Variants in ELFN2 observed in about 807,000 individuals in gnomAD.
ELFN2 encodes protein phosphatase 1 regulatory subunit 29.
A neutral mutation model predicts 45.5 loss-of-function variants in ELFN2; 17 were observed. That is an observed-to-expected ratio of 0.37 (90% CI 0.26 to 0.56). The LOEUF (loss-of-function observed/expected upper bound fraction) is 0.56, where lower values mean the gene tolerates loss of function less well. ELFN2 is among the 20% of genes least tolerant of loss of function. The pLI, the probability that ELFN2 is intolerant of heterozygous loss-of-function variation, is 0.77. For missense variants in ELFN2, 922 were observed against 1,183.2 expected (o/e 0.78, Z 3.24); for synonymous variants, 550 against 551.5 (o/e 1.00, Z 0.04).
intron 1 of ELFN2, among the ~76,000 whole-genome samples, chr22:37,356,076 C>T (rs961002592): frequency 6.6e-6 from 1 of 152,056 alleles, no homozygotes; most frequent in African/African-American, 2.4e-5. Context: ...AGGGAGCAAC[C>T]GGGGAGAGTG....
rs752718592 is a variant in ELFN2 at position 37,373,319 on chromosome 22, C to G, written c.2216G>C (p.Arg739Pro). The G allele has an allele frequency of 1.9e-6, 3 of 1,613,662 alleles. No homozygotes were observed. Among genetic ancestry groups the G allele is most frequent in the Admixed American group, 3.3e-5 (2 of 60,012 alleles). Residue 739 changes from arginine to proline, a missense_variant, in exon 3 of 3, where the codon CGT becomes CCT. Arg to Pro is a moderately radical substitution (Grantham distance 103, BLOSUM62 -2). Transcript: ENST00000402918. ...GGAGAGCTGCGAGTAGGTGGAGTCA[C>G]GCTTGGAGCGGGTCAGCGGCTTGAG... Reference protein sequence around the residue: ...SFLKPLTRSKRDSTYSQLSPR... With the variant: ...SFLKPLTRSKPDSTYSQLSPR...
chr22:37,359,380 C>T (rs1931027047), intron 1 of ELFN2, among the ~76,000 whole-genome samples: 1 of 152,044 alleles, frequency 6.6e-6, no homozygotes, highest in African/African-American at 2.4e-5. Context: ...CAGGCCCCTG[C>T]CACTCCCCTC....
Position 37,402,989 on chromosome 22 carries a change from G to A in ELFN2, c.-463+14780C>T, listed in dbSNP as rs148698045. ...TTGAGCCCACTTCCAAGAATGGCCCGGGCCAGAGACCATGCCTCACTTGCC... is the reference window on the plus strand; with the variant it reads ...TTGAGCCCACTTCCAAGAATGGCCCAGGCCAGAGACCATGCCTCACTTGCC... On this transcript the variant is annotated intron_variant, in intron 2 of 2. Transcript: ENST00000402918. 1.3e-3 allele frequency among the ~76,000 whole-genome samples: 195 copies of A among 152,156 alleles called. 2 individuals are homozygous for A. The highest frequency in any genetic ancestry group is 4.3e-3 in the African/African-American group (180 of 41,504).
chr22:37,374,167 G>C lies in ELFN2; in HGVS notation c.1368C>G (p.Ala456=). Residue 456 remains alanine (A), a synonymous_variant, in exon 3 of 3, where the codon GCC becomes GCG. Transcript: ENST00000402918. ...GCACGGGAGGCTCGCCCAGCTTCTG[G>C]GCGGCGTGCACAATGGAGCCGGCAT... ...DVDAGSIVHA[A]QKLGEPPVLP... is the part of the protein sequence containing the mutation. 1 of 1,613,198 alleles carries C rather than the reference G, an allele frequency of 6.2e-7. No homozygotes were observed. Among genetic ancestry groups the C allele is most frequent in the Non-Finnish European group, 8.5e-7 (1 of 1,180,028 alleles).
In ELFN2 at chr22:37,371,329, A is replaced by C. The variant is rs1931360491; in HGVS notation, c.*1743T>G. 1 of 152,260 alleles carries C rather than the reference A, an allele frequency of 6.6e-6. No individual in the cohort carries two copies. The highest frequency in any genetic ancestry group is 2.4e-5 in the African/African-American group (1 of 41,422). The allele number at this position is 152,260 out of a possible 1,614,324, so 9.4% of individuals were successfully genotyped here. ...ACACTCCCCAAATCTCAGGAAACCC[A>C]TGTGGGCCACAGGCCCTAGACTGGG... is the stretch of plus-strand genomic sequence containing the variant. On this transcript the variant is annotated 3_prime_UTR_variant, in exon 3 of 3. Coordinates refer to ENST00000402918, the MANE Select transcript of ELFN2 (RefSeq NM_052906.5). This position sits in a 1 kb window ranked among gnomAD's most constrained non-coding sequence, Gnocchi z 6.4.
At chr22:37,351,009 C>G (rs1241742273) in intron 1 of ELFN2, among the ~76,000 whole-genome samples, 4 of 150,394 alleles carry the variant, frequency 2.7e-5, no homozygotes, top group African/African-American at 7.3e-5. Flanking sequence ...ATGGCTTCTC[C>G]TCTCCAGGCC....
chr22:37,374,437 G>A lies in ELFN2; in HGVS notation c.1098C>T (p.Asn366=). Residue 366 remains asparagine (N), a synonymous_variant, in exon 3 of 3, where the codon AAC becomes AAT. Coordinates refer to ENST00000402918, the MANE Select transcript of ELFN2 (RefSeq NM_052906.5). ...EYTFCVTSLR[N]SRRFNHTCLT... is the part of the protein sequence containing the mutation. The stretch of plus-strand genomic sequence containing the variant: ...GGCAGGTGTGGTTGAAGCGGCGGCT[G>A]TTGCGCAGCGAGGTCACGCAGAAGG... 1 of 1,614,040 alleles carries A rather than the reference G, an allele frequency of 6.2e-7. No homozygotes were observed. Among genetic ancestry groups the A allele is most frequent in the Non-Finnish European group, 8.5e-7 (1 of 1,179,932 alleles).
chr22:37,413,568 TAA>T (rs71195012), intron 2 of ELFN2, among the ~76,000 whole-genome samples: 43 of 122,590 alleles, frequency 3.5e-4, no homozygotes, highest in Admixed American at 5.1e-4. Flanking sequence ...ACAGCCTGTC[TAA>T]AAAAAAAAAA....
intron 2 of ELFN2, among the ~76,000 whole-genome samples, chr22:37,381,892 C>T (rs1931783971): frequency 8.3e-6 from 1 of 120,858 alleles, no homozygotes; most frequent in South Asian, 2.8e-4. Flanking sequence ...GGAGGCGGAG[C>T]GTGCAGTGAG....
chr22:37,348,361 T>C (rs1289609175), intron 1 of ELFN2, among the ~76,000 whole-genome samples: 1 of 137,298 alleles, frequency 7.3e-6, no homozygotes, highest in Non-Finnish European at 1.7e-5. Flanking sequence ...CCAGGCTCAG[T>C]GGAGACAGGC....
intron 2 of ELFN2, among the ~76,000 whole-genome samples, chr22:37,378,984 G>A (rs971535927): frequency 1.3e-5 from 2 of 152,224 alleles, no homozygotes; most frequent in African/African-American, 4.8e-5. Flanking sequence ...CTCCCATGAG[G>A]GTGGTCCTCC....
At chr22:37,363,815 A>G (rs943802073), downstream of ELFN2, among the ~76,000 whole-genome samples, 2 of 152,220 alleles carry the variant, frequency 1.3e-5, no homozygotes, top group African/African-American at 4.8e-5. Flanking sequence ...CCAGAACGGC[A>G]GGGCCGAGAG....
At chr22:37,390,224 C>A (rs1047532304) in intron 2 of ELFN2, among the ~76,000 whole-genome samples, 2 of 152,218 alleles carry the variant, frequency 1.3e-5, no homozygotes, top group African/African-American at 4.8e-5. Context: ...CCCCAGCTCA[C>A]AAGCATGGAG....
Position 37,374,349 on chromosome 22 carries a change from G to GGGT in ELFN2, c.1183_1185dup (p.Thr395dup), listed in dbSNP as rs928683021. The GGGT allele has an allele frequency of 4.3e-6, 7 of 1,614,080 alleles. No homozygotes were observed. Among genetic ancestry groups the GGGT allele is most frequent in the Non-Finnish European group, 5.9e-6 (7 of 1,180,028 alleles). The stretch of plus-strand genomic sequence containing the variant: ...CAGCCCAGGATGGTCATGATGTAGT[G>GGGT]GGTGGTGGTGGAGGTGCTGGGCGCC... On this transcript the variant is annotated inframe_insertion, in exon 3 of 3. Transcript: ENST00000402918.
chr22:37,369,488 T>C lies in ELFN2; in HGVS notation c.*3584A>G, dbSNP rs1421747850. The C allele has an allele frequency of 6.6e-6, 1 of 152,162 alleles. No homozygotes were observed. Among genetic ancestry groups the C allele is most frequent in the Non-Finnish European group, 1.5e-5 (1 of 68,054 alleles). 9.4% of individuals were successfully genotyped at this position (152,162 alleles called of 1,614,324 possible). On this transcript the variant is annotated 3_prime_UTR_variant, in exon 3 of 3. Coordinates refer to ENST00000402918, the MANE Select transcript of ELFN2 (RefSeq NM_052906.5). The stretch of plus-strand genomic sequence containing the variant: ...GGAGCCCAGGTGAGGGATTCTTTGG[T>C]GGGCAGAGAGAGACTCTTCCTGCCG...
intron 1 of ELFN2, among the ~76,000 whole-genome samples, chr22:37,348,533 G>A (rs888738425): frequency 1.3e-5 from 2 of 150,830 alleles, no homozygotes; most frequent in African/African-American, 4.8e-5. Context: ...CAGTCCCATG[G>A]CCTTGCAGGG....
chr22:37,388,470 C>G (rs35694266), intron 2 of ELFN2, among the ~76,000 whole-genome samples: 20,150 of 152,234 alleles, frequency 0.13, 1,758 homozygotes, highest in Non-Finnish European at 0.2. Flanking sequence ...GCTCGCCGCC[C>G]TCATATAGAT....
intron 2 of ELFN2, among the ~76,000 whole-genome samples, chr22:37,407,842 C>G (rs2145678636): frequency 6.6e-6 from 1 of 152,114 alleles, no homozygotes; most frequent in Middle Eastern, 3.4e-3. Context: ...TTGCAGTAAG[C>G]CGAGATCGCG....
intron 1 of ELFN2, among the ~76,000 whole-genome samples, chr22:37,425,148 A>ATT (rs1932838523): frequency 6.6e-6 from 1 of 152,132 alleles, no homozygotes; most frequent in Non-Finnish European, 1.5e-5. Context: ...GCACTGACAC[A>ATT]CTCACTCATT....
Sources: allele counts gnomAD v4.1 joint callset (sites outside exome capture counted in the v4.1 genomes callset), GRCh38; gene constraint gnomAD v4.1.1; non-coding constraint Gnocchi (gnomAD v3.1); transcripts MANE v1.5; gene names NCBI Gene and HGNC (gene_info 2026-07-23, HGNC 2026-07-21).